Variants in PCDHGA3 observed in about 807,000 individuals in gnomAD.
PCDHGA3 encodes protocadherin gamma subfamily A, 3, also known as protocadherin gamma-A3.
Under a neutral mutation model 58.5 loss-of-function variants are expected in PCDHGA3, and 40 were observed. That is an observed-to-expected ratio of 0.68 (90% CI 0.53 to 0.89). The LOEUF is 0.89. PCDHGA3 is among the 40% of genes least tolerant of loss of function. PCDHGA3 has a pLI of 0.00. For missense variants in PCDHGA3, 1,223 were observed against 1,195.9 expected (o/e 1.02, Z -0.33); for synonymous variants, 530 against 525.7 (o/e 1.01, Z -0.11).
chr5:141,383,899 C>G (rs560928380), intron 1 of PCDHGA3: 10 of 1,613,958 alleles, frequency 6.2e-6, no homozygotes, highest in South Asian at 1.1e-5. Context: ...GGCAAAAGTA[C>G]TGATCACAGT....
chr5:141,426,848 C>A (rs1379697529), intron 1 of PCDHGA3: 1 of 456,670 alleles, frequency 2.2e-6, no homozygotes, highest in Non-Finnish European at 4.4e-6. Context: ...AAGGCAAGAA[C>A]GCTCCAGAAT....
intron 1 of PCDHGA3, chr5:141,392,255 G>A (rs912458411): frequency 4.6e-5 from 7 of 152,104 alleles, no homozygotes; most frequent in Non-Finnish European, 1.0e-4. Flanking sequence ...AGTATATATT[G>A]GAGACATTTA....
At chr5:141,388,261 T>C in intron 1 of PCDHGA3, 1 of 1,611,348 alleles carries the variant, frequency 6.2e-7, no homozygotes. Flanking sequence ...ATCGAGGACA[T>C]TAATGACCAC....
intron 1 of PCDHGA3, chr5:141,374,106 C>T (rs377211748): frequency 1.1e-5 from 17 of 1,572,446 alleles, no homozygotes; most frequent in South Asian, 3.5e-5. Flanking sequence ...CAGAGGCATC[C>T]GCAGCGCAGC....
intron 1 of PCDHGA3, among the ~76,000 whole-genome samples, chr5:141,406,833 A>G (rs776807611): frequency 3.9e-5 from 6 of 152,238 alleles, no homozygotes; most frequent in Non-Finnish European, 4.4e-5. Flanking sequence ...ATGAACTTGC[A>G]TATCAGATAT....
At chr5:141,351,348 C>G (rs200422536) in intron 1 of PCDHGA3, 4 of 1,613,196 alleles carry the variant, frequency 2.5e-6, no homozygotes, top group African/African-American at 1.3e-5. Flanking sequence ...ACTGTAATAG[C>G]CCTCATAAAA....
Position 141,431,530 on chromosome 5 carries a change from G to A in PCDHGA3, c.2425-63277G>A. On this transcript the variant is annotated intron_variant, in intron 1 of 3. Transcript: ENST00000253812. The surrounding 1 kb of genome is among the most constrained non-coding windows in gnomAD (Gnocchi z 4.8). ...CGAGCGTTCCGGAGAATCTGGCCTT[G>A]GGCACGCAGCTGCTTGTAGTCAACG... 3 of 1,614,072 alleles carry A rather than the reference G, an allele frequency of 1.9e-6. No homozygotes were observed. In the South Asian group the frequency reaches 3.3e-5, roughly 18 times the overall value.
chr5:141,400,236 G>C (rs1195592972), intron 1 of PCDHGA3: 6 of 1,613,868 alleles, frequency 3.7e-6, no homozygotes, highest in African/African-American at 1.3e-5. Flanking sequence ...TCCTGGCCGT[G>C]ATTCTGGCCG....
rs1291837550 is a variant in PCDHGA3 at position 141,345,546 on chromosome 5, G to C, written c.1513G>C (p.Val505Leu). ...CCAGGGGGCGCCCCTGTCCTCCTTCGTCTCTATCAACTCCAACACTGGCGT... is the reference window on the plus strand; with the variant it reads ...CCAGGGGGCGCCCCTGTCCTCCTTCCTCTCTATCAACTCCAACACTGGCGT... ...TLQGAPLSSF[V>L]SINSNTGVLY... Residue 505 changes from valine (V) to leucine (L), a missense_variant, in exon 1 of 4, where the codon GTC (valine) becomes CTC (leucine). By Grantham distance (32) the Val-to-Leu change is conservative. Around this residue, in one of 3 missense-constraint regions of PCDHGA3, gnomAD observed 791 missense variants for 708.5 expected, o/e 1.12. Transcript: ENST00000253812. 3 of 1,614,016 alleles carry C rather than the reference G, an allele frequency of 1.9e-6. No individual in the cohort carries two copies. Among genetic ancestry groups the C allele is most frequent in the Admixed American group, 3.3e-5 (2 of 60,002 alleles).
chr5:141,355,327 T>C (rs1465140874), intron 1 of PCDHGA3: 2 of 1,613,822 alleles, frequency 1.2e-6, no homozygotes, highest in Non-Finnish European at 1.7e-6. Context: ...GGAAGAAGGC[T>C]CAGTGGTGGG....
rs1183309479 is a variant in PCDHGA3 at position 141,404,628 on chromosome 5, C to G, written c.2424+58171C>G. 1.9e-6 allele frequency: 3 copies of G among 1,614,100 alleles called. No homozygotes were observed. In the South Asian group the frequency reaches 3.3e-5, roughly 18 times the overall value. Reference sequence around the variant, plus strand: ...TTTGTTTTGGACCAGAATGACAATGCCCCAGAAATCCTGTACCCTGCCCTC... The same window carrying G: ...TTTGTTTTGGACCAGAATGACAATGGCCCAGAAATCCTGTACCCTGCCCTC... On this transcript the variant is annotated intron_variant, in intron 1 of 3. Transcript: ENST00000253812.
At chr5:141,360,658 A>C in intron 1 of PCDHGA3, 1 of 1,613,590 alleles carries the variant, frequency 6.2e-7, no homozygotes, top group Non-Finnish European at 8.5e-7. Context: ...CCTTAATGAC[A>C]ACGAGTACTT....
chr5:141,413,900 AC>A, intron 1 of PCDHGA3: 1 of 1,613,126 alleles, frequency 6.2e-7, no homozygotes. Flanking sequence ...GCAAATGACA[AC>A]GCGCCGGTCT....
chr5:141,415,507 A>G, intron 1 of PCDHGA3: 1 of 1,614,156 alleles, frequency 6.2e-7, no homozygotes, highest in Admixed American at 1.7e-5. Context: ...CCCCCAGCCC[A>G]ATTATGCGGA....
rs1016254258 is a variant in PCDHGA3 at position 141,489,870 on chromosome 5, G to C, written c.2425-4937G>C. ...GTGAAGCCCAGGCAAGACATCAGCT[G>C]GTGCTTACTGCTGTGGATGGGGGGA... On this transcript the variant is annotated intron_variant, in intron 1 of 3. Transcript: ENST00000253812. The surrounding 1 kb of genome is among the most constrained non-coding windows in gnomAD (Gnocchi z 4.5). The C allele has an allele frequency of 2.0e-5, 32 of 1,614,102 alleles. No homozygotes were observed. Among genetic ancestry groups the C allele is most frequent in the African/African-American group, 4.0e-5 (3 of 74,944 alleles).
chr5:141,357,081 C>T (rs1760456922), intron 1 of PCDHGA3: 3 of 1,613,922 alleles, frequency 1.9e-6, no homozygotes, highest in Non-Finnish European at 2.5e-6. Context: ...GCGAGGTGCG[C>T]ACCGCACGGG....
intron 1 of PCDHGA3, chr5:141,385,371 T>C: frequency 2.6e-6 from 4 of 1,529,296 alleles, no homozygotes; most frequent in Non-Finnish European, 3.5e-6. Context: ...ATTTGCATGA[T>C]ATTTCTCTAT....
Position 141,489,276 on chromosome 5 carries a change from AT to A in PCDHGA3, c.2425-5530del, listed in dbSNP as rs2099684949. 1.9e-6 allele frequency: 3 copies of A among 1,556,004 alleles called. No homozygotes were observed. Among genetic ancestry groups the A allele is most frequent in the Non-Finnish European group, 2.6e-6 (3 of 1,151,570 alleles). ...AGACACTCCCACAGCTCGCTGGGAA[AT>A]GGCAAGTGCTGTGCATGTTGTCCTT... On this transcript the variant is annotated intron_variant, in intron 1 of 3. Coordinates refer to ENST00000253812, the MANE Select transcript of PCDHGA3 (RefSeq NM_018916.4). This position sits in a 1 kb window ranked among gnomAD's most constrained non-coding sequence, Gnocchi z 4.5.
chr5:141,393,635 C>T, intron 1 of PCDHGA3: 2 of 1,613,868 alleles, frequency 1.2e-6, no homozygotes, highest in East Asian at 4.5e-5. Context: ...AGGGAATCAA[C>T]GGAAAAGTGG....
Sources: allele counts gnomAD v4.1 joint callset (sites outside exome capture counted in the v4.1 genomes callset), GRCh38; gene constraint gnomAD v4.1.1; regional missense constraint gnomAD v4.1.1; non-coding constraint Gnocchi (gnomAD v3.1); transcripts MANE v1.5; gene names NCBI Gene and HGNC (gene_info 2026-07-23, HGNC 2026-07-21).